The following ZNF503 variants were observed in gnomAD, a reference collection of about 807,000 sequenced individuals.
ZNF503 encodes NocA-like zinc finger 2.
In ZNF503, 15 loss-of-function variants were observed where a neutral mutation model predicts 34.4. The observed-to-expected ratio is 0.44, with a 90% confidence interval of 0.29 to 0.67. ZNF503 has a LOEUF of 0.67. Ranked by LOEUF, ZNF503 falls within the 30% of genes least tolerant of loss-of-function variation. The pLI, the probability that ZNF503 is intolerant of heterozygous loss-of-function variation, is 0.13. For missense variants in ZNF503, 1,007 were observed against 926.8 expected (o/e 1.09, Z -1.12); for synonymous variants, 580 against 456.8 (o/e 1.27, Z -3.44).
chr10:75,320,738 C>T, the ZNF503 span, among the ~76,000 whole-genome samples: 36 of 151,882 alleles, frequency 2.4e-4, no homozygotes, highest in African/African-American at 8.7e-4. Flanking sequence ...TTTTTTTCCT[C>T]AGGGATGCAA....
downstream of ZNF503, among the ~76,000 whole-genome samples, chr10:75,392,870 A>G (rs1450684782): frequency 6.6e-6 from 1 of 152,224 alleles, no homozygotes; most frequent in Non-Finnish European, 1.5e-5. Flanking sequence ...TTTCAAATTT[A>G]TTACTTAATT....
At chr10:75,362,582 T>C in the ZNF503 span, among the ~76,000 whole-genome samples, 2 of 152,192 alleles carry the variant, frequency 1.3e-5, no homozygotes, top group African/African-American at 4.8e-5. Context: ...AGAAAATAAA[T>C]GTATGGCTAT....
At chr10:75,291,817 A>C in the ZNF503 span, among the ~76,000 whole-genome samples, 8 of 152,208 alleles carry the variant, frequency 5.3e-5, no homozygotes, top group Non-Finnish European at 1.2e-4. Context: ...TGAGATTAAA[A>C]TGTGTCTGAA....
the ZNF503 span, among the ~76,000 whole-genome samples, chr10:75,308,680 A>G: frequency 2.0e-5 from 3 of 152,218 alleles, no homozygotes; most frequent in African/African-American, 7.2e-5. Context: ...ATCTGATCTC[A>G]TAAATGACTT....
chr10:75,401,698 G>T lies in ZNF503; in HGVS notation c.-279C>A. ...GCCTCGGGCTGCTCCCCTGCGCTGC[G>T]TTCTCGCGGCCCCGCGCCGGCGCTG... On this transcript the variant is annotated 5_prime_UTR_variant, in exon 1 of 2. Transcript: ENST00000372524. 2.3e-6 allele frequency: 1 copy of T among 427,542 alleles called. No homozygotes were observed. Among genetic ancestry groups the T allele is most frequent in the Non-Finnish European group, 4.1e-6 (1 of 242,736 alleles). 26.5% of individuals were successfully genotyped at this position (427,542 alleles called of 1,614,324 possible).
At chr10:75,313,936 A>G in the ZNF503 span, among the ~76,000 whole-genome samples, 1 of 152,228 alleles carries the variant, frequency 6.6e-6, no homozygotes, top group South Asian at 2.1e-4. Context: ...GAGGAAACAC[A>G]TGAGTGAAGT....
At chr10:75,400,707 T>C (rs1843787753) in intron 1 of ZNF503, among the ~76,000 whole-genome samples, 1 of 152,036 alleles carries the variant, frequency 6.6e-6, no homozygotes, top group East Asian at 1.9e-4. Flanking sequence ...CCACAAACAC[T>C]CCTTAATTCT....
the ZNF503 span, among the ~76,000 whole-genome samples, chr10:75,336,084 A>G: frequency 6.6e-6 from 1 of 152,226 alleles, no homozygotes; most frequent in Non-Finnish European, 1.5e-5. Context: ...GACTTTGGCC[A>G]ACATCATTCT....
chr10:75,399,864 G>T lies in ZNF503; in HGVS notation c.826C>A (p.Pro276Thr), dbSNP rs549718916. The T allele has an allele frequency of 2.5e-6, 4 of 1,601,418 alleles. No individual in the cohort carries two copies. In the South Asian group the frequency reaches 4.5e-5, roughly 18 times the overall value. ...GTGGASAEGG[P>T]TGLAHGRISC... ...ATCCGGCCGTGTGCCAGCCCCGTGG[G>T]TCCCCCTTCGGCCGAGGCGCCCCCG... The change falls in exon 2 of 2, where the codon CCC becomes ACC. Residue 276 changes from proline (P) to threonine (T), a missense_variant. Physicochemically the swap from Pro to Thr is conservative, Grantham distance 38. Coordinates refer to ENST00000372524, the MANE Select transcript of ZNF503 (RefSeq NM_032772.6).
the ZNF503 span, among the ~76,000 whole-genome samples, chr10:75,324,347 G>T: frequency 1.3e-5 from 2 of 150,956 alleles, no homozygotes; most frequent in African/African-American, 2.4e-5. Flanking sequence ...TTGAGACAGG[G>T]TCTCGCTCTA....
At chr10:75,388,150 G>T in the ZNF503 span, among the ~76,000 whole-genome samples, 8 of 152,328 alleles carry the variant, frequency 5.3e-5, no homozygotes, top group Non-Finnish European at 2.9e-5. Flanking sequence ...CTCCTCACTG[G>T]CAGGGGGCGG....
chr10:75,398,984 A>C lies in ZNF503; in HGVS notation c.1706T>G (p.Met569Arg), dbSNP rs373720425. 2 of 1,605,762 alleles carry C rather than the reference A, an allele frequency of 1.2e-6. No homozygotes were observed. The highest frequency in any genetic ancestry group is 1.7e-6 in the Non-Finnish European group (2 of 1,179,226). Residue 569 changes from methionine to arginine, a missense_variant, in exon 2 of 2, where the codon ATG (methionine) becomes AGG (arginine). Transcript: ENST00000372524. ...GGTGGGGATGTGCATGTGGCAAGCC[A>C]TGGCGGCCGCGGCAGCGCTGGCCAG... Reference protein sequence around the residue: ...SSLASAAAAAMACHMHIPTSG... With the variant: ...SSLASAAAAARACHMHIPTSG...
chr10:75,370,542 A>C, the ZNF503 span, among the ~76,000 whole-genome samples: 31 of 152,188 alleles, frequency 2.0e-4, no homozygotes, highest in Admixed American at 3.3e-4. Context: ...GCACTTTGGA[A>C]GGTCGAGGCA....
chr10:75,391,996 C>T, the ZNF503 span, among the ~76,000 whole-genome samples: 3 of 152,128 alleles, frequency 2.0e-5, no homozygotes, highest in South Asian at 2.1e-4. Flanking sequence ...GGGCCTGGGG[C>T]GTTCCAGAAG....
the ZNF503 span, among the ~76,000 whole-genome samples, chr10:75,369,744 GT>G: frequency 1.3e-5 from 2 of 152,158 alleles, no homozygotes; most frequent in African/African-American, 4.8e-5. Context: ...TACTGAAGAA[GT>G]AAGATATGAA....
At chr10:75,336,923 C>T in the ZNF503 span, among the ~76,000 whole-genome samples, 1 of 152,208 alleles carries the variant, frequency 6.6e-6, no homozygotes, top group South Asian at 2.1e-4. Flanking sequence ...TTTTCTGCTA[C>T]CAGCTGGAGA....
the ZNF503 span, among the ~76,000 whole-genome samples, chr10:75,305,570 A>G: frequency 6.6e-6 from 1 of 152,142 alleles, no homozygotes; most frequent in African/African-American, 2.4e-5. Context: ...CAGTTAAGTA[A>G]TGTTAAGTAT....
At chr10:75,359,686 T>TC in the ZNF503 span, among the ~76,000 whole-genome samples, 1 of 152,210 alleles carries the variant, frequency 6.6e-6, no homozygotes, top group South Asian at 2.1e-4. Flanking sequence ...AGCTAACCAT[T>TC]CAGGGCAGGT....
chr10:75,390,494 T>C, the ZNF503 span, among the ~76,000 whole-genome samples: 1 of 147,446 alleles, frequency 6.8e-6, no homozygotes. Flanking sequence ...GGGCCAATCC[T>C]ACTCTACATC....
Sources: gnomAD v4.1 joint callset for allele counts (sites outside exome capture counted in the v4.1 genomes callset) on GRCh38, gnomAD v4.1.1 for gene constraint, MANE v1.5 for transcripts, NCBI Gene and HGNC (gene_info 2026-07-23, HGNC 2026-07-21) for gene names.